PHACTR4: variants seen among roughly 807,000 people sequenced by gnomAD.
PHACTR4 encodes the protein protein phosphatase 1, regulatory subunit 124.
PHACTR4 carries 51 observed loss-of-function variants against 72.7 expected under a neutral mutation model. That is an observed-to-expected ratio of 0.70 (90% CI 0.56 to 0.89). The LOEUF (loss-of-function observed/expected upper bound fraction) is 0.89, where lower values mean the gene tolerates loss of function less well. Ranked by LOEUF, PHACTR4 falls within the 40% of genes least tolerant of loss-of-function variation. The probability of loss-of-function intolerance (pLI) is 0.00; values close to 1 mark genes in which losing one functional copy is unlikely to be tolerated. For missense variants in PHACTR4, 731 were observed against 861.8 expected (o/e 0.85, Z 1.90); for synonymous variants, 255 against 302.5 (o/e 0.84, Z 1.63).
At chr1:28,445,885 CTG>C (rs71792159) in intron 2 of PHACTR4, among the ~76,000 whole-genome samples, 14,359 of 151,996 alleles carry the variant, frequency 0.094, 1,507 homozygotes, top group African/African-American at 0.26. Flanking sequence ...CAGAGCGAGA[CTG>C]TGTTTGAAAA....
At chr1:28,421,387 T>A (rs1401605129) in intron 2 of PHACTR4, among the ~76,000 whole-genome samples, 1 of 151,372 alleles carries the variant, frequency 6.6e-6, no homozygotes, top group Non-Finnish European at 1.5e-5. Context: ...ATTCGTGGGT[T>A]TTTTTGTTTT....
chr1:28,487,994 C>T (rs1354947188), intron 9 of PHACTR4, among the ~76,000 whole-genome samples: 1 of 151,716 alleles, frequency 6.6e-6, no homozygotes, highest in Non-Finnish European at 1.5e-5. Context: ...GCTTCAGCTT[C>T]CCAAAGTGCT....
At chr1:28,418,308 CA>C (rs1197069007) in intron 2 of PHACTR4, among the ~76,000 whole-genome samples, 1,665 of 129,946 alleles carry the variant, frequency 0.013, 27 homozygotes, top group African/African-American at 0.045. Context: ...ACTAAAAATA[CA>C]AAAAAAAAAA....
intron 2 of PHACTR4, among the ~76,000 whole-genome samples, chr1:28,454,988 T>A (rs34027045): frequency 0.28 from 42,630 of 151,620 alleles, 6,141 homozygotes; most frequent in Middle Eastern, 0.34. Context: ...GCCTCCCAAG[T>A]AGCTGGGATT....
At chr1:28,397,972 C>G (rs1394904246) in intron 1 of PHACTR4, among the ~76,000 whole-genome samples, 1 of 151,914 alleles carries the variant, frequency 6.6e-6, no homozygotes, top group Non-Finnish European at 1.5e-5. Flanking sequence ...CTCGGCCTCC[C>G]AAAGTGCTGG....
At chr1:28,396,696 T>A (rs1653528455) in intron 1 of PHACTR4, among the ~76,000 whole-genome samples, 1 of 150,818 alleles carries the variant, frequency 6.6e-6, no homozygotes, top group Admixed American at 6.6e-5. Flanking sequence ...TTTGTTCTTG[T>A]CTCCCAGGCT....
intron 2 of PHACTR4, among the ~76,000 whole-genome samples, chr1:28,427,432 A>C (rs1395834096): frequency 6.6e-6 from 1 of 152,196 alleles, no homozygotes; most frequent in Non-Finnish European, 1.5e-5. Context: ...GGCCTGAGGC[A>C]GGAGAATCAC....
At chr1:28,443,102 A>G (rs1384628398) in intron 2 of PHACTR4, among the ~76,000 whole-genome samples, 1 of 152,052 alleles carries the variant, frequency 6.6e-6, no homozygotes, top group African/African-American at 2.4e-5. Context: ...CCCAGCCTCT[A>G]GTAGCCTCTG....
intron 6 of PHACTR4, among the ~76,000 whole-genome samples, chr1:28,469,257 A>C (rs1393903872): frequency 6.6e-6 from 1 of 152,212 alleles, no homozygotes; most frequent in Non-Finnish European, 1.5e-5. Context: ...ACACTAGAAA[A>C]AAAACCAACA....
chr1:28,448,713 G>A (rs2124435668), intron 2 of PHACTR4, among the ~76,000 whole-genome samples: 1 of 115,346 alleles, frequency 8.7e-6, no homozygotes, highest in Admixed American at 1.1e-4. Context: ...AGTGAGCCGA[G>A]ATCGTGCCAC....
chr1:28,438,191 G>A, intron 2 of PHACTR4: 7 of 1,313,750 alleles, frequency 5.3e-6, no homozygotes, highest in Non-Finnish European at 5.8e-6. Flanking sequence ...AGTTTTGTAA[G>A]AACTGCAAGT....
intron 1 of PHACTR4, among the ~76,000 whole-genome samples, chr1:28,370,754 A>C (rs1651180602): frequency 6.6e-6 from 1 of 152,184 alleles, no homozygotes. Flanking sequence ...GAGGAACCAG[A>C]AACCCAGTGG....
intron 2 of PHACTR4, among the ~76,000 whole-genome samples, chr1:28,436,705 T>G (rs1475081195): frequency 3.3e-5 from 5 of 152,188 alleles, no homozygotes; most frequent in Admixed American, 6.6e-5. Context: ...TTTAGAAAAT[T>G]TAGTGTTAGT....
At chr1:28,479,810 T>C (rs1660166366) in intron 8 of PHACTR4, among the ~76,000 whole-genome samples, 1 of 152,044 alleles carries the variant, frequency 6.6e-6, no homozygotes, top group Non-Finnish European at 1.5e-5. Context: ...GGAGAATCAC[T>C]TGAACCTGGG....
At position 28,496,714 on chromosome 1, in the gene PHACTR4, C is replaced by T. The variant is rs1661385149; in HGVS notation, c.*165C>T. On this transcript the variant is annotated 3_prime_UTR_variant, in exon 14 of 14. Coordinates refer to ENST00000373839, the MANE Select transcript of PHACTR4 (RefSeq NM_001048183.3). ...ATGTAGCATTTCACTGGAACAGAGT[C>T]TTATGTGCTGCACCGGGGGCAAAAC... 5 of 782,976 alleles carry T rather than the reference C, an allele frequency of 6.4e-6. No homozygotes were observed. In the East Asian group the frequency reaches 7.6e-5, roughly 12 times the overall value. 48.5% of individuals were successfully genotyped at this position (782,976 alleles called of 1,614,324 possible).
rs549258104 is a variant in PHACTR4, at chr1:28,461,727, A to C, written c.271+1435A>C. Among the ~76,000 whole-genome samples the C allele has an allele frequency of 2.4e-3, 365 of 151,968 alleles. 2 individuals carry two copies. Among genetic ancestry groups the C allele is most frequent in the African/African-American group, 8.4e-3 (348 of 41,438 alleles). Reference sequence around the variant, plus strand: ...TTTTTAATTGAGACAGGGTCTCCCTATGTTGCCCAGGCTAGTCTCAAACTC... The same window carrying C: ...TTTTTAATTGAGACAGGGTCTCCCTCTGTTGCCCAGGCTAGTCTCAAACTC... On this transcript the variant is annotated intron_variant, in intron 4 of 13. Coordinates refer to ENST00000373839, the MANE Select transcript of PHACTR4 (RefSeq NM_001048183.3).
At chr1:28,481,935 T>C (rs1006434542) in intron 9 of PHACTR4, among the ~76,000 whole-genome samples, 1 of 152,162 alleles carries the variant, frequency 6.6e-6, no homozygotes, top group Non-Finnish European at 1.5e-5. Context: ...CCTCGCTCTG[T>C]CACCCAGGCT....
At chr1:28,388,259 G>A (rs1318835938) in intron 1 of PHACTR4, among the ~76,000 whole-genome samples, 4 of 152,104 alleles carry the variant, frequency 2.6e-5, no homozygotes, top group African/African-American at 4.8e-5. Context: ...GCTCTGAATA[G>A]TCAAAGCAAT....
chr1:28,454,712 C>G (rs996942082), intron 2 of PHACTR4, among the ~76,000 whole-genome samples: 5 of 152,066 alleles, frequency 3.3e-5, no homozygotes, highest in African/African-American at 1.2e-4. Flanking sequence ...CCAACAATTG[C>G]ACAATACACT....
Sources: allele counts gnomAD v4.1 joint callset (sites outside exome capture counted in the v4.1 genomes callset), GRCh38; gene constraint gnomAD v4.1.1; transcripts MANE v1.5; gene names NCBI Gene and HGNC (gene_info 2026-07-23, HGNC 2026-07-21).